ARHGEF26: variants seen among roughly 807,000 people sequenced by gnomAD.
ARHGEF26 encodes the protein Rho guanine nucleotide exchange factor 26, also known as Rho guanine nucleotide exchange factor (GEF) 26.
ARHGEF26 carries 59 observed loss-of-function variants against 89.4 expected under a neutral mutation model. That is an observed-to-expected ratio of 0.66 (90% CI 0.54 to 0.82). The LOEUF (loss-of-function observed/expected upper bound fraction) is 0.82. Ranked by LOEUF, ARHGEF26 falls within the 40% of genes least tolerant of loss-of-function variation. ARHGEF26 has a pLI of 0.00. For synonymous variants in ARHGEF26, 500 were observed against 428.4 expected (o/e 1.17, Z -2.06); for missense variants, 1,234 against 1,085.6 (o/e 1.14, Z -1.92).
intron 6 of ARHGEF26, among the ~76,000 whole-genome samples, chr3:154,176,972 C>A (rs1233829613): frequency 6.6e-6 from 1 of 151,832 alleles, no homozygotes; most frequent in East Asian, 1.9e-4. Context: ...GGGATTGATG[C>A]AAGAATAAAA....
chr3:154,182,085 C>A (rs1271524767), intron 6 of ARHGEF26, among the ~76,000 whole-genome samples: 1 of 149,912 alleles, frequency 6.7e-6, no homozygotes, highest in Non-Finnish European at 1.5e-5. Flanking sequence ...TACACACACA[C>A]TATATATATA....
In ARHGEF26 at chr3:154,204,752, C is replaced by T. The variant is rs142015124; in HGVS notation, c.1845+10034C>T. 1.4e-4 allele frequency among the ~76,000 whole-genome samples: 22 copies of T among 152,202 alleles called. No homozygotes were observed. The East Asian group carries it at 3.5e-3, about 24-fold the overall frequency. ...TATCATTTGTTTCAAGAAATTTTTACATTTCCTTAATTTTTTCTTTAACCT... is the reference window on the plus strand; with the variant it reads ...TATCATTTGTTTCAAGAAATTTTTATATTTCCTTAATTTTTTCTTTAACCT... On this transcript the variant is annotated intron_variant, in intron 9 of 14. Transcript: ENST00000465093.
chr3:154,194,561 G>GTAA (rs1250873859), intron 8 of ARHGEF26, 83 bp from the exon 9 acceptor site: 92 of 1,004,990 alleles, frequency 9.2e-5, no homozygotes, highest in Non-Finnish European at 1.3e-4. Flanking sequence ...TTTGCTATGA[G>GTAA]TAAAAGGATA....
At chr3:154,232,989 G>A (rs1386168679) in intron 11 of ARHGEF26, among the ~76,000 whole-genome samples, 4 of 151,820 alleles carry the variant, frequency 2.6e-5, no homozygotes, top group African/African-American at 9.7e-5. Flanking sequence ...CACCACGCCC[G>A]GCTAATTTTT....
intron 3 of ARHGEF26, among the ~76,000 whole-genome samples, chr3:154,128,510 AT>A (rs1170056651): frequency 6.6e-6 from 1 of 152,124 alleles, no homozygotes; most frequent in African/African-American, 2.4e-5. Flanking sequence ...AAGTGCTGAG[AT>A]TACAAGTGTG....
In ARHGEF26 at chr3:154,256,405, T is replaced by G; in HGVS notation, c.*932T>G. 1 of 760,962 alleles carries G rather than the reference T, an allele frequency of 1.3e-6. No individual in the cohort carries two copies. Among genetic ancestry groups the G allele is most frequent in the Non-Finnish European group, 1.6e-6 (1 of 626,702 alleles). The allele number at this position is 760,962 out of a possible 1,614,324, so 47.1% of individuals were successfully genotyped here. Reference sequence around the variant, plus strand: ...GCCCAGCTACTTTTTGTATTTTTAGTAGAGACAGGGTTTCATCATGTTGGC... The same window carrying G: ...GCCCAGCTACTTTTTGTATTTTTAGGAGAGACAGGGTTTCATCATGTTGGC... On this transcript the variant is annotated 3_prime_UTR_variant, in exon 15 of 15. Transcript: ENST00000465093.
Position 154,257,445 on chromosome 3 carries a change from A to T in ARHGEF26, c.*1972A>T, listed in dbSNP as rs903123227. 7 of 152,334 alleles carry T rather than the reference A, an allele frequency of 4.6e-5. No individual in the cohort carries two copies. Among genetic ancestry groups the T allele is most frequent in the African/African-American group, 1.7e-4 (7 of 41,472 alleles). 9.4% of individuals were successfully genotyped at this position (152,334 alleles called of 1,614,324 possible). A position where few individuals can be genotyped will look rare whatever the true frequency, so the allele number is the denominator to read the frequency against. ...GGAAGGAAGGTAAATTTGTGCTTGC[A>T]CGGGGATCATTTTGTATTATTTTTG... On this transcript the variant is annotated 3_prime_UTR_variant, in exon 15 of 15. Coordinates refer to ENST00000465093, the MANE Select transcript of ARHGEF26 (RefSeq NM_015595.4).
intron 6 of ARHGEF26, among the ~76,000 whole-genome samples, chr3:154,174,021 T>A (rs148290537): frequency 3.0e-4 from 45 of 152,306 alleles, no homozygotes; most frequent in African/African-American, 1.0e-3. Flanking sequence ...GTAAGTTCTT[T>A]TAGTACTTTA....
chr3:154,156,865 T>G (rs539899773), intron 6 of ARHGEF26, among the ~76,000 whole-genome samples: 14 of 152,326 alleles, frequency 9.2e-5, no homozygotes, highest in East Asian at 7.7e-4. Flanking sequence ...ATGGTATTGT[T>G]AAGTATGTCA....
chr3:154,187,987 T>C, intron 7 of ARHGEF26, 150 bp downstream of exon 7: 2 of 810,396 alleles, frequency 2.5e-6, no homozygotes, highest in Non-Finnish European at 3.7e-6. Flanking sequence ...AGCATTACTT[T>C]TAGGGTGAGG....
intron 5 of ARHGEF26, among the ~76,000 whole-genome samples, chr3:154,151,551 A>C (rs1230248021): frequency 6.6e-6 from 1 of 152,180 alleles, no homozygotes; most frequent in Non-Finnish European, 1.5e-5. Context: ...GTATTGATTG[A>C]AAAAATTCAA....
chr3:154,184,384 C>CTA (rs1239906806), intron 6 of ARHGEF26, among the ~76,000 whole-genome samples: 1 of 152,176 alleles, frequency 6.6e-6, no homozygotes, highest in Non-Finnish European at 1.5e-5. Flanking sequence ...ATAGTCTTAA[C>CTA]TATATAGTAC....
chr3:154,162,240 C>G (rs554706444), intron 6 of ARHGEF26, among the ~76,000 whole-genome samples: 3 of 152,240 alleles, frequency 2.0e-5, no homozygotes, highest in African/African-American at 4.8e-5. Flanking sequence ...GTTTTTCTGG[C>G]TGATGGAAAA....
chr3:154,224,465 A>G (rs1716353745), intron 10 of ARHGEF26, among the ~76,000 whole-genome samples: 1 of 152,238 alleles, frequency 6.6e-6, no homozygotes, highest in Admixed American at 6.5e-5. Flanking sequence ...GTCACAGGGC[A>G]GCATGTGCAC....
At chr3:154,251,618 A>G (rs146402152) in intron 12 of ARHGEF26, among the ~76,000 whole-genome samples, 53 of 152,330 alleles carry the variant, frequency 3.5e-4, no homozygotes, top group African/African-American at 1.3e-3. Context: ...GGATTATCAG[A>G]CTGGGATGGA....
chr3:154,127,085 G>A, intron 3 of ARHGEF26, among the ~76,000 whole-genome samples: 1 of 152,138 alleles, frequency 6.6e-6, no homozygotes, highest in East Asian at 1.9e-4. Context: ...ACTGAAAGTT[G>A]CCCTGGGTGA....
intron 4 of ARHGEF26, among the ~76,000 whole-genome samples, chr3:154,137,321 C>T (rs1719068156): frequency 6.6e-6 from 1 of 152,156 alleles, no homozygotes; most frequent in Non-Finnish European, 1.5e-5. Context: ...CCATATGATA[C>T]CCTGCACCAC....
intron 6 of ARHGEF26, chr3:154,187,083 C>T (rs1202304931): frequency 2.7e-5 from 5 of 183,408 alleles, no homozygotes; most frequent in South Asian, 1.9e-4. Flanking sequence ...GGAGAGACGG[C>T]GTTTCACCAT....
intron 10 of ARHGEF26, among the ~76,000 whole-genome samples, chr3:154,223,995 C>T (rs1177902045): frequency 6.6e-6 from 1 of 151,716 alleles, no homozygotes; most frequent in Non-Finnish European, 1.5e-5. Context: ...AATGAAATGT[C>T]TGTGCTCCAT....
Sources: gnomAD v4.1 joint callset for allele counts (sites outside exome capture counted in the v4.1 genomes callset) on GRCh38, gnomAD v4.1.1 for gene constraint, MANE v1.5 for transcripts, NCBI Gene and HGNC (gene_info 2026-07-23, HGNC 2026-07-21) for gene names.